Variants in MTA3 observed in about 807,000 individuals in gnomAD.
MTA3 encodes metastasis associated 1 family member 3.
MTA3 carries 34 observed loss-of-function variants against 83.5 expected under a neutral mutation model. The ratio of observed to expected loss-of-function variants is 0.41; its 90% CI spans 0.31 to 0.54. The LOEUF (loss-of-function observed/expected upper bound fraction) is 0.54. Ranked by LOEUF, MTA3 falls within the 20% of genes least tolerant of loss-of-function variation. MTA3 has a pLI of 0.33. For synonymous variants in MTA3, 303 were observed against 252.7 expected, an observed-to-expected ratio of 1.20 and a Z score of -1.89; for missense variants, 761 against 726.4, an observed-to-expected ratio of 1.05 and a Z score of -0.55.
chr2:42,495,506 A>G lies in MTA3; in HGVS notation c.-141+252A>G, dbSNP rs3821230. ...GTTTAGTATCTACTAAGTAGATATT[A>G]AACAAGAAAAATATCTGTAAGAAAG... On this transcript the variant is annotated intron_variant, in intron 2 of 17. Transcript: ENST00000405592. Among the ~76,000 whole-genome samples the G allele has an allele frequency of 9.8e-5, 15 of 152,312 alleles. No individual in the cohort carries two copies. In the East Asian group the frequency reaches 2.5e-3, roughly 26 times the overall value.
chr2:42,597,046 A>T (rs1681878595), intron 3 of MTA3, among the ~76,000 whole-genome samples: 1 of 151,912 alleles, frequency 6.6e-6, no homozygotes, highest in South Asian at 2.1e-4. Flanking sequence ...CTGGGACAAC[A>T]GGAGCAAACT....
intron 16 of MTA3, among the ~76,000 whole-genome samples, chr2:42,748,027 A>G (rs1317474588): frequency 6.6e-6 from 1 of 151,330 alleles, no homozygotes; most frequent in Non-Finnish European, 1.5e-5. Context: ...TATTTTCTAG[A>G]ATTAGTTTTT....
At chr2:42,517,885 GAAA>G (rs1675225650) in intron 2 of MTA3, among the ~76,000 whole-genome samples, 1 of 142,692 alleles carries the variant, frequency 7.0e-6, no homozygotes, top group South Asian at 2.2e-4. Context: ...AAAAAAAGAA[GAAA>G]AGAAAATACA....
chr2:42,677,132 C>T (rs1374563241), intron 8 of MTA3, among the ~76,000 whole-genome samples: 2 of 151,966 alleles, frequency 1.3e-5, no homozygotes, highest in African/African-American at 2.4e-5. Flanking sequence ...AATCATAGAA[C>T]AATTATAAGA....
rs772656532 is a variant in MTA3, at chr2:42,723,086, C to T, written c.1759+51C>T. 132 of 1,530,582 alleles carry T rather than the reference C, an allele frequency of 8.6e-5. No homozygotes were observed. In the Admixed American group the frequency reaches 1.3e-3, roughly 15 times the overall value. The allele number at this position is 1,530,582 out of a possible 1,614,324, so 94.8% of individuals were successfully genotyped here. On this transcript the variant is annotated intron_variant, in intron 16 of 16. Transcript: ENST00000405094. Reference sequence around the variant, plus strand: ...GCTGTTCTGATAGAGTGCCTTCACACTCAGGCATGTGTCTGCCACATCCAA... The same window carrying T: ...GCTGTTCTGATAGAGTGCCTTCACATTCAGGCATGTGTCTGCCACATCCAA...
At chr2:42,497,499 C>T (rs539367003) in intron 2 of MTA3, among the ~76,000 whole-genome samples, 4 of 151,602 alleles carry the variant, frequency 2.6e-5, no homozygotes, top group Non-Finnish European at 5.9e-5. Flanking sequence ...GCACGAGAAT[C>T]GCTTGAACCC....
In MTA3 at chr2:42,756,137, C is replaced by T. The variant is rs1273496692; in HGVS notation, c.*2738C>T. ...GCAACCCAGAGGTGGGGAACAACAA[C>T]AGCAAGCCGCCCCCATCCTGAGACT... is the stretch of plus-strand genomic sequence containing the variant. On this transcript the variant is annotated 3_prime_UTR_variant, in exon 17 of 17. Coordinates refer to ENST00000405094, the MANE Select transcript of MTA3 (RefSeq NM_001330442.2). The T allele has an allele frequency of 5.7e-6, 3 of 523,020 alleles. No individual in the cohort carries two copies. Among genetic ancestry groups the T allele is most frequent in the African/African-American group, 4.1e-5 (2 of 48,482 alleles). The allele number at this position is 523,020 out of a possible 1,614,324, so 32.4% of individuals were successfully genotyped here. A position where few individuals can be genotyped will look rare whatever the true frequency, so the allele number is the denominator to read the frequency against.
rs1678609450 is a variant in MTA3, at chr2:42,572,562, CTG to C, written c.96+2060_96+2061del. Among the ~76,000 whole-genome samples, 4 of 151,900 alleles carry C rather than the reference CTG, an allele frequency of 2.6e-5. No homozygotes were observed. In the South Asian group the frequency reaches 8.4e-4, roughly 32 times the overall value. ...TGCACTCCAGCCTGGGTAACACAGACTGTCTCGAAATTAAAAAAAAAAATTAT... is the reference window on the plus strand; with the variant it reads ...TGCACTCCAGCCTGGGTAACACAGACTCTCGAAATTAAAAAAAAAAATTAT... On this transcript the variant is annotated intron_variant, in intron 2 of 16. Coordinates refer to ENST00000405094, the MANE Select transcript of MTA3 (RefSeq NM_001330442.2).
chr2:42,671,457 T>C (rs774630185), intron 8 of MTA3, among the ~76,000 whole-genome samples: 2 of 152,154 alleles, frequency 1.3e-5, no homozygotes, highest in Non-Finnish European at 2.9e-5. Context: ...TGGTACATAT[T>C]CTGTTTATTT....
intron 2 of MTA3, among the ~76,000 whole-genome samples, chr2:42,562,705 G>C (rs1677727185): frequency 1.3e-5 from 2 of 152,114 alleles, no homozygotes; most frequent in Admixed American, 6.6e-5. Flanking sequence ...TCTTTCCCTG[G>C]GGCCAGGGTT....
intron 2 of MTA3, among the ~76,000 whole-genome samples, chr2:42,516,092 T>C (rs1025027355): frequency 1.3e-5 from 2 of 152,022 alleles, no homozygotes; most frequent in East Asian, 1.9e-4. Flanking sequence ...TTTTTTTGTA[T>C]TTTTAGTAGA....
intron 4 of MTA3, among the ~76,000 whole-genome samples, chr2:42,630,620 G>A (rs1006932717): frequency 6.6e-6 from 1 of 152,020 alleles, no homozygotes; most frequent in Non-Finnish European, 1.5e-5. Flanking sequence ...TTATGGCTGT[G>A]TTGTATATCT....
chr2:42,609,436 T>C (rs1181887255), intron 3 of MTA3, 22 bp from the exon 4 acceptor site: 1 of 1,611,118 alleles, frequency 6.2e-7, no homozygotes, highest in Non-Finnish European at 8.5e-7. Flanking sequence ...ACTAATAAAT[T>C]CTTTGAATTT....
At chr2:42,624,479 C>G (rs915419077) in intron 4 of MTA3, among the ~76,000 whole-genome samples, 1 of 152,046 alleles carries the variant, frequency 6.6e-6, no homozygotes, top group African/African-American at 2.4e-5. Context: ...TGCCACCACA[C>G]CCAGCTAATT....
intron 2 of MTA3, among the ~76,000 whole-genome samples, chr2:42,571,689 T>G (rs916908789): frequency 1.3e-5 from 2 of 152,202 alleles, no homozygotes; most frequent in African/African-American, 4.8e-5. Flanking sequence ...GGCTCACGCC[T>G]GTAATCCCAG....
intron 3 of MTA3, among the ~76,000 whole-genome samples, chr2:42,592,801 C>T (rs1454006138): frequency 6.6e-6 from 1 of 152,094 alleles, no homozygotes; most frequent in Non-Finnish European, 1.5e-5. Flanking sequence ...AAGGACCTGT[C>T]TGGGGCTGTT....
intron 2 of MTA3, among the ~76,000 whole-genome samples, chr2:42,555,481 C>T (rs1677337847): frequency 8.8e-6 from 1 of 113,514 alleles, no homozygotes; most frequent in Non-Finnish European, 1.8e-5. Context: ...AAAAAAAGAG[C>T]CGGGCGCAGT....
At chr2:42,728,343 A>G (rs1406450013) in intron 16 of MTA3, among the ~76,000 whole-genome samples, 1 of 152,168 alleles carries the variant, frequency 6.6e-6, no homozygotes, top group Non-Finnish European at 1.5e-5. Context: ...TTGTCTGTTG[A>G]TGGACACTTA....
intron 16 of MTA3, among the ~76,000 whole-genome samples, chr2:42,748,147 G>A (rs1030528927): frequency 3.3e-5 from 5 of 151,412 alleles, no homozygotes; most frequent in African/African-American, 9.7e-5. Flanking sequence ...CCCTGCCTCA[G>A]CCTCCTGAGT....
Sources: allele counts gnomAD v4.1 joint callset (sites outside exome capture counted in the v4.1 genomes callset), GRCh38; gene constraint gnomAD v4.1.1; transcripts MANE v1.5; gene names NCBI Gene and HGNC (gene_info 2026-07-23, HGNC 2026-07-21).